CSMD1: variants seen among roughly 807,000 people sequenced by gnomAD.
The protein encoded by CSMD1 is CUB and sushi domain-containing protein 1.
In CSMD1, 213 loss-of-function variants were observed where a neutral mutation model predicts 417.5. The observed-to-expected ratio is 0.51, with a 90% CI of 0.46 to 0.57. CSMD1 has a LOEUF of 0.57. Among genes scored for constraint, CSMD1 ranks in the 20% least tolerant of loss-of-function variants. The pLI is 0.00. For synonymous variants in CSMD1, 2,862 were observed against 1,736.8 expected (o/e 1.65, Z -16.11); for missense variants, 6,923 against 4,529.7 (o/e 1.53, Z -15.17).
intron 4 of CSMD1, among the ~76,000 whole-genome samples, chr8:4,028,110 G>A (rs890585914): frequency 3.3e-5 from 5 of 152,080 alleles, no homozygotes; most frequent in African/African-American, 1.2e-4. Context: ...AATGAAAATG[G>A]ACATAATAAA....
chr8:3,540,920 C>T (rs1297082617), intron 10 of CSMD1, among the ~76,000 whole-genome samples: 1 of 152,216 alleles, frequency 6.6e-6, no homozygotes, highest in Non-Finnish European at 1.5e-5. Context: ...AACTCTTTTA[C>T]ACTGTTGGTG....
At chr8:4,271,570 G>GAA (rs893122188) in intron 3 of CSMD1, among the ~76,000 whole-genome samples, 2 of 143,128 alleles carry the variant, frequency 1.4e-5, no homozygotes, top group South Asian at 2.2e-4. Context: ...TCAAAAGAGA[G>GAA]AAAAAAAAAA....
chr8:4,886,691 A>G (rs1803763116), intron 1 of CSMD1, among the ~76,000 whole-genome samples: 4 of 151,976 alleles, frequency 2.6e-5, no homozygotes, highest in African/African-American at 9.7e-5. Context: ...AGATTCATTC[A>G]GATTTTCTAT....
At chr8:4,503,821 G>A (rs918833366) in intron 2 of CSMD1, among the ~76,000 whole-genome samples, 1 of 152,098 alleles carries the variant, frequency 6.6e-6, no homozygotes. Context: ...CCTATGTGCG[G>A]CTTTTAAAAG....
At chr8:4,342,633 C>A (rs1318089032) in intron 3 of CSMD1, among the ~76,000 whole-genome samples, 4 of 152,066 alleles carry the variant, frequency 2.6e-5, no homozygotes, top group Non-Finnish European at 5.9e-5. Flanking sequence ...TGCAGACATT[C>A]TTTATTTATT....
chr8:4,516,341 T>A (rs999666719), intron 2 of CSMD1, among the ~76,000 whole-genome samples: 3 of 152,112 alleles, frequency 2.0e-5, no homozygotes, highest in African/African-American at 7.2e-5. Flanking sequence ...AGAAACAGAT[T>A]TCTGTTCTTT....
At chr8:3,021,329 G>A (rs1019173049) in intron 51 of CSMD1, among the ~76,000 whole-genome samples, 1 of 152,200 alleles carries the variant, frequency 6.6e-6, no homozygotes. Flanking sequence ...TTCAGACCCA[G>A]AGTTTCCTTG....
At chr8:3,948,046 A>G (rs569961144) in intron 5 of CSMD1, among the ~76,000 whole-genome samples, 1 of 152,272 alleles carries the variant, frequency 6.6e-6, no homozygotes, top group African/African-American at 2.4e-5. Flanking sequence ...TCTCTACTAA[A>G]AATATAAAAA....
chr8:4,776,221 C>T (rs907355815), intron 1 of CSMD1, among the ~76,000 whole-genome samples: 2 of 152,086 alleles, frequency 1.3e-5, no homozygotes, highest in African/African-American at 4.8e-5. Flanking sequence ...AGTATTTTCA[C>T]AAAGGCCTAA....
intron 1 of CSMD1, among the ~76,000 whole-genome samples, chr8:4,688,060 G>T (rs1030663790): frequency 6.6e-6 from 1 of 151,970 alleles, no homozygotes; most frequent in Admixed American, 6.6e-5. Flanking sequence ...TTGCCCTATG[G>T]CTCAGTTCAC....
intron 3 of CSMD1, among the ~76,000 whole-genome samples, chr8:4,101,297 A>C (rs2130879037): frequency 6.6e-6 from 1 of 152,326 alleles, no homozygotes; most frequent in East Asian, 1.9e-4. Flanking sequence ...TCCCATGTTA[A>C]AGAGTTTCAC....
intron 2 of CSMD1, among the ~76,000 whole-genome samples, chr8:4,526,031 G>T (rs1350332266): frequency 6.6e-6 from 1 of 152,156 alleles, no homozygotes; most frequent in Non-Finnish European, 1.5e-5. Flanking sequence ...AAGGAGTGGA[G>T]CGGGTGATGA....
At chr8:3,716,244 C>G (rs1403775225) in intron 6 of CSMD1, among the ~76,000 whole-genome samples, 1 of 152,106 alleles carries the variant, frequency 6.6e-6, no homozygotes, top group Non-Finnish European at 1.5e-5. Flanking sequence ...TGATCCAGAC[C>G]CCAAGAGAGT....
intron 1 of CSMD1, among the ~76,000 whole-genome samples, chr8:4,800,669 G>A (rs1454629804): frequency 6.6e-6 from 1 of 152,154 alleles, no homozygotes; most frequent in Non-Finnish European, 1.5e-5. Context: ...CCTCAGAGTT[G>A]TCCAGGTCAG....
At chr8:3,625,841 A>G (rs192425006) in intron 7 of CSMD1, among the ~76,000 whole-genome samples, 12 of 152,244 alleles carry the variant, frequency 7.9e-5, no homozygotes, top group African/African-American at 2.9e-4. Context: ...TATCAGAGGG[A>G]AAAACAAGTA....
chr8:4,338,525 G>A (rs964853288), intron 3 of CSMD1, among the ~76,000 whole-genome samples: 23 of 151,970 alleles, frequency 1.5e-4, no homozygotes, highest in African/African-American at 5.6e-4. Context: ...AAGTTCTTCG[G>A]CTTTTTCTAG....
chr8:4,458,342 A>G (rs188284891), intron 2 of CSMD1, among the ~76,000 whole-genome samples: 7 of 152,286 alleles, frequency 4.6e-5, no homozygotes, highest in Non-Finnish European at 8.8e-5. Flanking sequence ...GCTGAAAGTT[A>G]TATCAGTAAT....
intron 2 of CSMD1, among the ~76,000 whole-genome samples, chr8:4,557,842 C>T (rs1274761724): frequency 6.6e-6 from 1 of 152,148 alleles, no homozygotes; most frequent in Non-Finnish European, 1.5e-5. Flanking sequence ...AGCTCTACAT[C>T]AGAGTCACAC....
At chr8:4,764,376 G>A (rs1178598609) in intron 1 of CSMD1, among the ~76,000 whole-genome samples, 1 of 152,146 alleles carries the variant, frequency 6.6e-6, no homozygotes, top group Non-Finnish European at 1.5e-5. Flanking sequence ...GCAATCATGA[G>A]ATTAATAATT....
Sources: allele counts gnomAD v4.1 joint callset (sites outside exome capture counted in the v4.1 genomes callset), GRCh38; gene constraint gnomAD v4.1.1; transcripts MANE v1.5; gene names NCBI Gene and HGNC (gene_info 2026-07-23, HGNC 2026-07-21).